Variants in CARMIL1 observed in about 807,000 individuals in gnomAD.
CARMIL1 encodes capping protein regulator and myosin 1 linker 1.
Under a neutral mutation model 177.1 loss-of-function variants are expected in CARMIL1, and 90 were observed. The observed-to-expected ratio is 0.51, with a 90% CI of 0.43 to 0.61. The LOEUF (loss-of-function observed/expected upper bound fraction) is 0.61. CARMIL1 is among the 20% of genes least tolerant of loss of function. The pLI is 0.00. For synonymous variants in CARMIL1, 577 were observed against 606.2 expected (o/e 0.95, Z 0.71); for missense variants, 1,380 against 1,667.0 (o/e 0.83, Z 3.00).
chr6:25,586,847 G>C (rs910818141), intron 31 of CARMIL1, among the ~76,000 whole-genome samples: 14 of 152,062 alleles, frequency 9.2e-5, no homozygotes, highest in Non-Finnish European at 1.8e-4. Flanking sequence ...CCAGGCACTC[G>C]GCAGGCTGAG....
rs374102351 is a variant in CARMIL1 at position 25,495,126 on chromosome 6, A to G, written c.1236A>G (p.Val412=). The stretch of plus-strand genomic sequence containing the variant: ...TTTTTTTCAGGAAAGGAAAAGAAGT[A>G]CCTCCATCTTTCAAGCAATTTTTTA... ...TVFSHRKGKE[V]PPSFKQFFSS... Residue 412 remains valine (V), a synonymous_variant, in exon 16 of 37, where the codon GTA becomes GTG. Coordinates refer to ENST00000329474, the MANE Select transcript of CARMIL1 (RefSeq NM_017640.6). 3.1e-6 allele frequency: 5 copies of G among 1,610,842 alleles called. No individual in the cohort carries two copies. In the African/African-American group the frequency reaches 5.3e-5, roughly 17 times the overall value.
intron 9 of CARMIL1, 69 bp downstream of exon 9, chr6:25,466,017 A>G (rs41271811): frequency 0.089 from 102,860 of 1,161,016 alleles, 5,036 homozygotes; most frequent in South Asian, 0.13. Flanking sequence ...TAATTGTGGG[A>G]AAAAAACAAT....
At chr6:25,366,571 G>A (rs1326785587) in intron 2 of CARMIL1, among the ~76,000 whole-genome samples, 1 of 151,176 alleles carries the variant, frequency 6.6e-6, no homozygotes, top group Admixed American at 6.6e-5. Context: ...ACCTCCTGAA[G>A]GCAGGGATTT....
In CARMIL1 at chr6:25,581,430, C is replaced by T. The variant is rs1364871596; in HGVS notation, c.2997C>T (p.Thr999=). The part of the protein sequence containing the change: ...RPKRNKKQQP[T]QAAVCAANIV... ...AAAGGAATAAGAAGCAGCAACCCAC[C>T]CAAGCAGCGGTAGGTGGACTGCAGG... is the stretch of plus-strand genomic sequence containing the variant. Residue 999 remains threonine (T), a synonymous_variant, in exon 31 of 37, where the codon ACC becomes ACT. Coordinates refer to ENST00000329474, the MANE Select transcript of CARMIL1 (RefSeq NM_017640.6). The T allele has an allele frequency of 1.2e-6, 2 of 1,610,126 alleles. No homozygotes were observed. Among genetic ancestry groups the T allele is most frequent in the East Asian group, 4.5e-5 (2 of 44,680 alleles).
At chr6:25,495,596 A>G (rs1803630544) in intron 16 of CARMIL1, among the ~76,000 whole-genome samples, 3 of 150,836 alleles carry the variant, frequency 2.0e-5, no homozygotes, top group African/African-American at 7.3e-5. Context: ...CATTTACTCT[A>G]AATCTTTCTA....
intron 27 of CARMIL1, among the ~76,000 whole-genome samples, chr6:25,551,439 A>C (rs1582334591): frequency 6.6e-6 from 1 of 152,146 alleles, no homozygotes; most frequent in Non-Finnish European, 1.5e-5. Flanking sequence ...TTTGCTTTTT[A>C]CCGTCATACA....
chr6:25,332,079 C>G (rs1274433835), intron 2 of CARMIL1, among the ~76,000 whole-genome samples: 1 of 152,082 alleles, frequency 6.6e-6, no homozygotes, highest in African/African-American at 2.4e-5. Context: ...CCCAGGCTGG[C>G]CTTGAACTCC....
At chr6:25,448,916 CTTT>C (rs36000360) in intron 5 of CARMIL1, among the ~76,000 whole-genome samples, 6 of 126,438 alleles carry the variant, frequency 4.7e-5, no homozygotes, top group Admixed American at 8.1e-5. Context: ...AGGGATTCTT[CTTT>C]TTTTTTTTTT....
At chr6:25,392,175 C>T (rs995114690) in intron 2 of CARMIL1, among the ~76,000 whole-genome samples, 7 of 151,046 alleles carry the variant, frequency 4.6e-5, no homozygotes, top group Non-Finnish European at 8.8e-5. Flanking sequence ...GATACACAAA[C>T]CGTAGATATA....
chr6:25,379,960 A>G (rs1791364806), intron 2 of CARMIL1, among the ~76,000 whole-genome samples: 1 of 149,956 alleles, frequency 6.7e-6, no homozygotes, highest in Admixed American at 6.6e-5. Context: ...TTCTTTATGC[A>G]CTTTTTTTCT....
intron 3 of CARMIL1, 68 bp from the exon 4 acceptor site, chr6:25,426,433 T>A: frequency 8.5e-7 from 1 of 1,174,406 alleles, no homozygotes; most frequent in Non-Finnish European, 1.2e-6. Context: ...TTTTTTTACC[T>A]TAAGTTATAT....
At chr6:25,615,456 A>T (rs146322614) in intron 36 of CARMIL1, among the ~76,000 whole-genome samples, 2 of 152,152 alleles carry the variant, frequency 1.3e-5, no homozygotes, top group Non-Finnish European at 2.9e-5. Context: ...ACATTTAATT[A>T]TAAGTTGTGA....
Position 25,517,333 on chromosome 6 carries a change from T to C in CARMIL1, c.1806-14T>C. On this transcript the variant is annotated splice_polypyrimidine_tract_variant and intron_variant, in intron 21 of 36. Coordinates refer to ENST00000329474, the MANE Select transcript of CARMIL1 (RefSeq NM_017640.6). Reference sequence around the variant, plus strand: ...TAAGTGTCTGATCATTTATGTGATTTGATTTTCAAACAGGACTGTAATATG... The same window carrying C: ...TAAGTGTCTGATCATTTATGTGATTCGATTTTCAAACAGGACTGTAATATG... The C allele has an allele frequency of 6.2e-7, 1 of 1,605,080 alleles. No individual in the cohort carries two copies. Among genetic ancestry groups the C allele is most frequent in the Non-Finnish European group, 8.5e-7 (1 of 1,172,284 alleles).
At chr6:25,587,204 A>C (rs969731595) in intron 31 of CARMIL1, among the ~76,000 whole-genome samples, 3 of 152,188 alleles carry the variant, frequency 2.0e-5, no homozygotes, top group African/African-American at 7.2e-5. Context: ...AAACAAAAAC[A>C]AAGATTTTTT....
At chr6:25,285,030 A>G in intron 2 of CARMIL1, 121 bp downstream of exon 2, 2 of 635,490 alleles carry the variant, frequency 3.1e-6, no homozygotes, top group Non-Finnish European at 5.5e-6. Context: ...AAAAGTTCTG[A>G]TGACCATTTT....
At chr6:25,504,706 C>A (rs1481029681) in intron 17 of CARMIL1, among the ~76,000 whole-genome samples, 2 of 152,172 alleles carry the variant, frequency 1.3e-5, no homozygotes, top group Non-Finnish European at 2.9e-5. Flanking sequence ...CATCACCTCT[C>A]TTTCTTTCCC....
chr6:25,577,044 C>T lies in CARMIL1; in HGVS notation c.2743-3880C>T. The T allele has an allele frequency of 2.0e-6, 2 of 985,022 alleles. No homozygotes were observed. The highest frequency in any genetic ancestry group is 9.4e-5 in the South Asian group (2 of 21,266). The allele number at this position is 985,022 out of a possible 1,614,324, so 61.0% of individuals were successfully genotyped here. On this transcript the variant is annotated intron_variant, in intron 29 of 36. Transcript: ENST00000329474. The surrounding 1 kb of genome is among the most constrained non-coding windows in gnomAD (Gnocchi z 4.5). ...GTTTCTGGCTGTACTACTTTATATT[C>T]TTGTGCTCCATTTGCTTCTGTGCTG... is the stretch of plus-strand genomic sequence containing the variant.
chr6:25,551,904 G>C (rs889785850), intron 27 of CARMIL1, among the ~76,000 whole-genome samples: 9 of 152,000 alleles, frequency 5.9e-5, no homozygotes, highest in African/African-American at 2.2e-4. Flanking sequence ...CAATCCATGA[G>C]AAAAACGAGC....
At chr6:25,298,609 TCCCAGTTACTTA>T (rs1359487855) in intron 2 of CARMIL1, among the ~76,000 whole-genome samples, 1 of 147,200 alleles carries the variant, frequency 6.8e-6, no homozygotes, top group Non-Finnish European at 1.5e-5. Context: ...CTCTTTCACT[TCCCAGTTACTTA>T]GAGTGAAAAA....
Sources: gnomAD v4.1 joint callset for allele counts (sites outside exome capture counted in the v4.1 genomes callset) on GRCh38, gnomAD v4.1.1 for gene constraint, Gnocchi (gnomAD v3.1) non-coding constraint, MANE v1.5 for transcripts, NCBI Gene and HGNC (gene_info 2026-07-23, HGNC 2026-07-21) for gene names.